The following CNTD1 variants were observed in gnomAD, a reference collection of about 807,000 sequenced individuals.
CNTD1 encodes the protein cyclin N-terminal domain-containing protein 1.
Under a neutral mutation model 36.3 loss-of-function variants are expected in CNTD1, and 17 were observed. That is an observed-to-expected ratio of 0.47 (90% CI 0.32 to 0.70). The LOEUF is 0.70. Ranked by LOEUF, CNTD1 falls within the 30% of genes least tolerant of loss-of-function variation. The probability of loss-of-function intolerance (pLI) is 0.03; values close to 1 mark genes in which losing one functional copy is unlikely to be tolerated. For missense variants in CNTD1, 338 were observed against 386.1 expected (o/e 0.88, Z 1.04); for synonymous variants, 128 against 153.3 (o/e 0.83, Z 1.22).
Position 42,811,181 on chromosome 17 carries a change from GAGGGT to G in CNTD1, c.*1647_*1651del. On this transcript the variant is annotated 3_prime_UTR_variant, in exon 7 of 7. Coordinates refer to ENST00000588408, the MANE Select transcript of CNTD1 (RefSeq NM_173478.3). Reference sequence around the variant, plus strand: ...AGAGAAGCCTGGAGTAGGGGTGAGTGAGGGTTACAGTACTTCTTGCTGTTTTCCTA... The same window carrying G: ...AGAGAAGCCTGGAGTAGGGGTGAGTGTACAGTACTTCTTGCTGTTTTCCTA... The G allele has an allele frequency of 2.6e-6, 1 of 380,904 alleles. No individual in the cohort carries two copies. The highest frequency in any genetic ancestry group is 4.1e-5 in the East Asian group (1 of 24,478). 23.6% of individuals were successfully genotyped at this position (380,904 alleles called of 1,614,324 possible).
chr17:42,799,749 T>G, intron 1 of CNTD1, among the ~76,000 whole-genome samples: 1 of 51,558 alleles, frequency 1.9e-5, no homozygotes, highest in Non-Finnish European at 3.1e-5. Flanking sequence ...TGAAACTCCG[T>G]CTCAAAAAAA....
rs182867771 is a variant in CNTD1 at position 42,810,414 on chromosome 17, A to G, written c.*879A>G. The G allele has an allele frequency of 2.1e-4, 34 of 164,966 alleles. No homozygotes were observed. The East Asian group carries it at 4.6e-3, about 22-fold the overall frequency. 10.2% of individuals were successfully genotyped at this position (164,966 alleles called of 1,614,324 possible). On this transcript the variant is annotated 3_prime_UTR_variant, in exon 7 of 7. Coordinates refer to ENST00000588408, the MANE Select transcript of CNTD1 (RefSeq NM_173478.3). ...TCTATTTCATATTGTTAAGTGCAGG[A>G]AGTTGAGAGAGATAAAAATCCAGTG...
In CNTD1 at chr17:42,798,971, G is replaced by C; in HGVS notation, c.-97G>C. 1 of 1,509,484 alleles carries C rather than the reference G, an allele frequency of 6.6e-7. No homozygotes were observed. The highest frequency in any genetic ancestry group is 8.8e-7 in the Non-Finnish European group (1 of 1,130,020). The allele number at this position is 1,509,484 out of a possible 1,614,324, so 93.5% of individuals were successfully genotyped here. A position where few individuals can be genotyped will look rare whatever the true frequency, so the allele number is the denominator to read the frequency against. On this transcript the variant is annotated 5_prime_UTR_variant, in exon 1 of 7. Coordinates refer to ENST00000588408, the MANE Select transcript of CNTD1 (RefSeq NM_173478.3). ...GACGACACACTCATTGGAAGGGGAC[G>C]AGGAATCCAGGGTGTGGCAGAAGAC...
At position 42,798,939 on chromosome 17, in the gene CNTD1, T is replaced by A; in HGVS notation, c.-129T>A. 1.4e-6 allele frequency: 2 copies of A among 1,464,010 alleles called. No homozygotes were observed. The highest frequency in any genetic ancestry group is 1.8e-6 in the Non-Finnish European group (2 of 1,110,048). 90.7% of individuals were successfully genotyped at this position (1,464,010 alleles called of 1,614,324 possible). A position where few individuals can be genotyped will look rare whatever the true frequency, so the allele number is the denominator to read the frequency against. On this transcript the variant is annotated 5_prime_UTR_variant, in exon 1 of 7. It adds an upstream start codon to the 5' untranslated region. Coordinates refer to ENST00000588408, the MANE Select transcript of CNTD1 (RefSeq NM_173478.3). ...GGTGGTAATTGGGTTTTCCTCAGAC[T>A]TGAGGCGACGACACACTCATTGGAA...
chr17:42,798,808 G>T, upstream of CNTD1: 1 of 1,451,290 alleles, frequency 6.9e-7, no homozygotes, highest in Non-Finnish European at 9.0e-7. Flanking sequence ...GCGGTTCCCG[G>T]GCACAGGGGA....
In CNTD1 at chr17:42,805,585, A is replaced by C; in HGVS notation, c.418-137A>C. ...CTGTAAGCAATTTGGAATGACAAGCAGAGTGTGAGGGGGAATTACCAAGAG... is the reference window on the plus strand; with the variant it reads ...CTGTAAGCAATTTGGAATGACAAGCCGAGTGTGAGGGGGAATTACCAAGAG... On this transcript the variant is annotated intron_variant, in intron 3 of 6. Transcript: ENST00000588408. 12 of 716,716 alleles carry C rather than the reference A, an allele frequency of 1.7e-5. 2 individuals are homozygous for C. The South Asian group carries it at 2.3e-4, about 14-fold the overall frequency. 44.4% of individuals were successfully genotyped at this position (716,716 alleles called of 1,614,324 possible). A position where few individuals can be genotyped will look rare whatever the true frequency, so the allele number is the denominator to read the frequency against.
intron 1 of CNTD1, 105 bp downstream of exon 1, chr17:42,799,341 T>A: frequency 1.4e-5 from 18 of 1,264,056 alleles, no homozygotes; most frequent in Non-Finnish European, 1.9e-5. Context: ...AGAGAATGTT[T>A]GCTAACACCT....
chr17:42,808,553 TAA>T (rs775660371), intron 6 of CNTD1, among the ~76,000 whole-genome samples: 35 of 99,864 alleles, frequency 3.5e-4, no homozygotes, highest in Admixed American at 5.3e-4. Context: ...CCCATCTCAT[TAA>T]AAAAAAAAAA....
intron 1 of CNTD1, 72 bp from the exon 2 acceptor site, chr17:42,803,548 A>G (rs1334947884): frequency 1.2e-5 from 15 of 1,213,476 alleles, no homozygotes; most frequent in Non-Finnish European, 1.8e-5. Flanking sequence ...CGGCTTTTAC[A>G]CAATGCCAAG....
chr17:42,803,342 G>C (rs2054825252), intron 1 of CNTD1, among the ~76,000 whole-genome samples: 1 of 152,216 alleles, frequency 6.6e-6, no homozygotes, highest in Admixed American at 6.5e-5. Context: ...AACTGGCCAA[G>C]CCTTTTATCA....
intron 2 of CNTD1, 40 bp downstream of exon 2, chr17:42,803,735 A>C: frequency 6.0e-6 from 9 of 1,498,344 alleles, no homozygotes; most frequent in Non-Finnish European, 7.4e-6. Flanking sequence ...GGCACCTCTC[A>C]GAGTGGCTAA....
At chr17:42,808,553 T>A (rs112661398) in intron 6 of CNTD1, among the ~76,000 whole-genome samples, 1,736 of 99,908 alleles carry the variant, frequency 0.017, 64 homozygotes, top group African/African-American at 0.065. Context: ...CCCATCTCAT[T>A]AAAAAAAAAA....
intron 5 of CNTD1, among the ~76,000 whole-genome samples, chr17:42,807,396 C>G (rs986152811): frequency 2.6e-5 from 4 of 151,488 alleles, no homozygotes; most frequent in African/African-American, 9.7e-5. Flanking sequence ...GCCTGGGCAA[C>G]AGAGAGAGAC....
chr17:42,805,603 AC>A, intron 3 of CNTD1, 118 bp from the exon 4 acceptor site: 1 of 867,766 alleles, frequency 1.2e-6, no homozygotes, highest in Non-Finnish European at 1.7e-6. Flanking sequence ...AGGGGGAATT[AC>A]CAAGAGACAA....
chr17:42,809,024 T>C (rs2054936046), intron 6 of CNTD1, among the ~76,000 whole-genome samples: 1 of 151,868 alleles, frequency 6.6e-6, no homozygotes, highest in Admixed American at 6.6e-5. Context: ...CATTGCAGCC[T>C]GGCAGCCTGG....
intron 1 of CNTD1, among the ~76,000 whole-genome samples, chr17:42,801,205 AAC>A (rs1305993577): frequency 3.5e-5 from 5 of 142,454 alleles, no homozygotes; most frequent in African/African-American, 1.5e-4. Flanking sequence ...AAAAAACAAC[AAC>A]AAAAAAAAAC....
chr17:42,800,978 G>A (rs983257139), intron 1 of CNTD1, among the ~76,000 whole-genome samples: 2 of 152,026 alleles, frequency 1.3e-5, no homozygotes, highest in Non-Finnish European at 2.9e-5. Context: ...CGAGGTCAGG[G>A]GTTCGAGACC....
Position 42,810,999 on chromosome 17 carries a change from A to C in CNTD1, c.*1464A>C. On this transcript the variant is annotated 3_prime_UTR_variant, in exon 7 of 7. Coordinates refer to ENST00000588408, the MANE Select transcript of CNTD1 (RefSeq NM_173478.3). ...TAAGTAAGTTCGGGGCAGGGACTTG[A>C]TCATGGGACCATTCACGTCATTTTA... 7.1e-7 allele frequency: 1 copy of C among 1,405,618 alleles called. No homozygotes were observed. The highest frequency in any genetic ancestry group is 1.5e-5 in the South Asian group (1 of 68,326). The allele number at this position is 1,405,618 out of a possible 1,614,324, so 87.1% of individuals were successfully genotyped here.
chr17:42,805,632 T>C (rs2054866323), intron 3 of CNTD1, 90 bp from the exon 4 acceptor site: 3 of 1,105,684 alleles, frequency 2.7e-6, no homozygotes, highest in East Asian at 5.0e-5. Context: ...GATGAAGGAA[T>C]AGGCTGGATT....
Sources: allele counts gnomAD v4.1 joint callset (sites outside exome capture counted in the v4.1 genomes callset), GRCh38; gene constraint gnomAD v4.1.1; transcripts MANE v1.5; gene names NCBI Gene and HGNC (gene_info 2026-07-23, HGNC 2026-07-21).